The following ITFG1 variants were observed in gnomAD, a reference collection of about 807,000 sequenced individuals.
ITFG1 encodes integrin alpha FG-GAP repeat containing 1.
In ITFG1, 34 loss-of-function variants were observed where a neutral mutation model predicts 81.8. The observed-to-expected ratio is 0.42, with a 90% CI of 0.32 to 0.55. The LOEUF (loss-of-function observed/expected upper bound fraction) is 0.55, where lower values mean the gene tolerates loss of function less well. ITFG1 is among the 20% of genes least tolerant of loss of function. The pLI, the probability that ITFG1 is intolerant of heterozygous loss-of-function variation, is 0.17. For missense variants in ITFG1, 672 were observed against 755.4 expected (o/e 0.89, Z 1.29); for synonymous variants, 285 against 270.6 (o/e 1.05, Z -0.52).
intron 12 of ITFG1, among the ~76,000 whole-genome samples, chr16:47,247,162 G>A (rs1217770990): frequency 6.6e-6 from 1 of 152,204 alleles, no homozygotes; most frequent in East Asian, 1.9e-4. Context: ...AATGAAATTT[G>A]AAAATGTCTG....
chr16:47,360,021 A>G (rs138251859), intron 8 of ITFG1, among the ~76,000 whole-genome samples: 263 of 152,346 alleles, frequency 1.7e-3, no homozygotes, highest in African/African-American at 6.0e-3. Flanking sequence ...TCCAAATAGT[A>G]GGAACTCTAA....
chr16:47,163,812 G>A (rs1234959331), intron 14 of ITFG1, among the ~76,000 whole-genome samples: 3 of 151,768 alleles, frequency 2.0e-5, no homozygotes, highest in Non-Finnish European at 4.4e-5. Flanking sequence ...CATGCTCATG[G>A]TTGTGAAGTG....
chr16:47,397,322 G>C lies in ITFG1; in HGVS notation c.656-21382C>G, dbSNP rs565719650. 1.2e-4 allele frequency among the ~76,000 whole-genome samples: 18 copies of C among 152,282 alleles called. 1 individual carries two copies. The highest frequency in any genetic ancestry group is 1.1e-3 in the Admixed American group (17 of 15,300). ...TGTTGGGGAGGGAGCACAGGGGTCA[G>C]GGATGGGTAAGTTAGGAGACAGAGC... On this transcript the variant is annotated intron_variant, in intron 6 of 17. Transcript: ENST00000320640.
intron 8 of ITFG1, among the ~76,000 whole-genome samples, chr16:47,355,436 C>A (rs192491848): frequency 9.4e-4 from 143 of 152,210 alleles, no homozygotes; most frequent in Non-Finnish European, 1.9e-3. Flanking sequence ...ACAGTTAAGA[C>A]TGGCAGAATA....
chr16:47,363,901 C>T (rs1968142035), intron 8 of ITFG1, among the ~76,000 whole-genome samples: 3 of 152,102 alleles, frequency 2.0e-5, no homozygotes, highest in Admixed American at 2.0e-4. Flanking sequence ...TTGTCACTTA[C>T]ATCACTTATT....
intron 10 of ITFG1, among the ~76,000 whole-genome samples, chr16:47,307,860 C>T (rs571642835): frequency 1.3e-5 from 2 of 152,256 alleles, no homozygotes; most frequent in South Asian, 4.2e-4. Context: ...TGAGTATGCA[C>T]TGTTTAGCTC....
intron 10 of ITFG1, 105 bp downstream of exon 10, chr16:47,311,135 A>C: frequency 2.8e-6 from 2 of 702,780 alleles, no homozygotes; most frequent in Non-Finnish European, 4.4e-6. Flanking sequence ...TCCTTATTTA[A>C]GAGATTATAA....
chr16:47,283,299 T>C (rs1212530074), intron 10 of ITFG1, among the ~76,000 whole-genome samples: 5 of 152,198 alleles, frequency 3.3e-5, no homozygotes, highest in Non-Finnish European at 1.5e-5. Context: ...TTTCTGCATA[T>C]GGCTAGCCAA....
intron 8 of ITFG1, among the ~76,000 whole-genome samples, chr16:47,357,523 A>G (rs1165891722): frequency 1.3e-5 from 2 of 151,388 alleles, no homozygotes; most frequent in Non-Finnish European, 2.9e-5. Flanking sequence ...GCTGAGGCAG[A>G]AGAATGGCGT....
chr16:47,406,713 G>A (rs1968733718), intron 6 of ITFG1, among the ~76,000 whole-genome samples: 1 of 152,210 alleles, frequency 6.6e-6, no homozygotes, highest in African/African-American at 2.4e-5. Context: ...ATTTTAGCAG[G>A]TGAAAGGGCT....
At chr16:47,180,582 G>A (rs938746518) in intron 14 of ITFG1, among the ~76,000 whole-genome samples, 14 of 152,120 alleles carry the variant, frequency 9.2e-5, no homozygotes, top group Non-Finnish European at 2.1e-4. Flanking sequence ...ATGGGGTTTC[G>A]CTGTGTTGGC....
At chr16:47,405,215 T>C (rs1968713403) in intron 6 of ITFG1, among the ~76,000 whole-genome samples, 4 of 152,152 alleles carry the variant, frequency 2.6e-5, no homozygotes, top group Admixed American at 2.6e-4. Context: ...AGAAGATCAA[T>C]CTGGTATACA....
At chr16:47,367,767 C>T (rs1968195881) in intron 7 of ITFG1, among the ~76,000 whole-genome samples, 1 of 152,126 alleles carries the variant, frequency 6.6e-6, no homozygotes, top group Non-Finnish European at 1.5e-5. Flanking sequence ...GTTTCCCCTC[C>T]CATTATTAAA....
At chr16:47,254,189 T>G (rs1321969120) in intron 12 of ITFG1, among the ~76,000 whole-genome samples, 1 of 152,018 alleles carries the variant, frequency 6.6e-6, no homozygotes. Flanking sequence ...AGATGCCTTT[T>G]GAGATTTTCC....
chr16:47,238,050 A>C, intron 12 of ITFG1, 42 bp from the exon 13 acceptor site: 1 of 1,178,018 alleles, frequency 8.5e-7, no homozygotes, highest in Non-Finnish European at 1.2e-6. Context: ...TTATAAGTTT[A>C]TATTTAAAGT....
At chr16:47,234,617 A>C (rs183493235) in intron 13 of ITFG1, among the ~76,000 whole-genome samples, 2 of 152,326 alleles carry the variant, frequency 1.3e-5, no homozygotes, top group East Asian at 3.9e-4. Flanking sequence ...TCATATTCGA[A>C]CCGCAAAAAA....
At chr16:47,359,884 T>C (rs1488746074) in intron 8 of ITFG1, among the ~76,000 whole-genome samples, 1 of 152,214 alleles carries the variant, frequency 6.6e-6, no homozygotes, top group Non-Finnish European at 1.5e-5. Flanking sequence ...CTTACAACTT[T>C]CTAATAATTC....
chr16:47,301,483 G>A (rs902878979), intron 10 of ITFG1, among the ~76,000 whole-genome samples: 1 of 150,018 alleles, frequency 6.7e-6, no homozygotes, highest in Non-Finnish European at 1.5e-5. Context: ...TGTAACCTCC[G>A]TCTTCCAGGT....
In ITFG1 at chr16:47,385,909, A is replaced by T. The variant is rs1354289396; in HGVS notation, c.656-9969T>A. On this transcript the variant is annotated intron_variant, in intron 6 of 17. Transcript: ENST00000320640. Reference sequence around the variant, plus strand: ...TCTAATGCTGTTTTGTAAATTGATCATATTTAACTTACAGACTAATCTATA... The same window carrying T: ...TCTAATGCTGTTTTGTAAATTGATCTTATTTAACTTACAGACTAATCTATA... Among the ~76,000 whole-genome samples, 3 of 152,268 alleles carry T rather than the reference A, an allele frequency of 2.0e-5. No individual in the cohort carries two copies. In the East Asian group the frequency reaches 5.8e-4, roughly 29 times the overall value.
Sources: gnomAD v4.1 joint callset for allele counts (sites outside exome capture counted in the v4.1 genomes callset) on GRCh38, gnomAD v4.1.1 for gene constraint, MANE v1.5 for transcripts, NCBI Gene and HGNC (gene_info 2026-07-23, HGNC 2026-07-21) for gene names.